The following ATP9B variants were observed in gnomAD, a reference collection of about 807,000 sequenced individuals.
The protein encoded by ATP9B is probable phospholipid-transporting ATPase IIB.
A neutral mutation model predicts 146.1 loss-of-function variants in ATP9B; 110 were observed. That is an observed-to-expected ratio of 0.75 (90% CI 0.65 to 0.88). ATP9B has a LOEUF of 0.88. Among genes scored for constraint, ATP9B ranks in the 40% least tolerant of loss-of-function variants. The pLI is 0.00. For missense variants in ATP9B, 1,499 were observed against 1,496.4 expected, an observed-to-expected ratio of 1.00 and a Z score of -0.03; for synonymous variants, 604 against 569.7, an observed-to-expected ratio of 1.06 and a Z score of -0.86.
intron 8 of ATP9B, among the ~76,000 whole-genome samples, chr18:79,182,411 A>G (rs1352285202): frequency 1.3e-5 from 2 of 152,118 alleles, no homozygotes; most frequent in Non-Finnish European, 2.9e-5. Flanking sequence ...TCTTTTCAGT[A>G]TTTTGCAAAT....
At chr18:79,295,683 C>T (rs988737086) in intron 13 of ATP9B, among the ~76,000 whole-genome samples, 12 of 152,246 alleles carry the variant, frequency 7.9e-5, no homozygotes, top group Non-Finnish European at 1.6e-4. Context: ...GTTCATCTCT[C>T]TCTAAAATCC....
chr18:79,127,653 A>G (rs144285763), intron 5 of ATP9B, among the ~76,000 whole-genome samples: 358 of 152,286 alleles, frequency 2.4e-3, no homozygotes, highest in Non-Finnish European at 4.1e-3. Context: ...ACCGTTGTGA[A>G]TAATGCAGCT....
rs535552780 is a variant in ATP9B, at chr18:79,153,642, C to G, written c.727-862C>G. 6.4e-5 allele frequency among the ~76,000 whole-genome samples: 9 copies of G among 139,582 alleles called. No individual in the cohort carries two copies. In the East Asian group the frequency reaches 8.8e-4, roughly 14 times the overall value. 91.6% of individuals were successfully genotyped at this position (139,582 alleles called of 152,430 possible). ...AAATGGCAATATTTAACGTTTTTTT[C>G]AGACATAAAGCTTTTTTTTTTTTTT... On this transcript the variant is annotated intron_variant, in intron 6 of 29. Coordinates refer to ENST00000426216, the MANE Select transcript of ATP9B (RefSeq NM_198531.5).
chr18:79,119,027 C>T (rs534003768), intron 4 of ATP9B, among the ~76,000 whole-genome samples: 4 of 150,698 alleles, frequency 2.7e-5, no homozygotes, highest in Admixed American at 6.6e-5. Context: ...GCCATGATTG[C>T]GCCACTGCAC....
chr18:79,213,419 TC>T (rs2095601318), intron 10 of ATP9B, among the ~76,000 whole-genome samples: 1 of 152,152 alleles, frequency 6.6e-6, no homozygotes, highest in Non-Finnish European at 1.5e-5. Context: ...AGTAATAGCT[TC>T]TAAATGCAAA....
chr18:79,372,408 T>TA (rs781172054), intron 26 of ATP9B: 11 of 354,358 alleles, frequency 3.1e-5, no homozygotes, highest in Non-Finnish European at 5.6e-5. Context: ...GAAGAACTGT[T>TA]ACGTTCTGTA....
intron 11 of ATP9B, among the ~76,000 whole-genome samples, chr18:79,223,765 G>A (rs549163808): frequency 5.3e-4 from 81 of 152,252 alleles, no homozygotes; most frequent in African/African-American, 1.9e-3. Context: ...TCTGCAGTGT[G>A]AACATAAATA....
chr18:79,312,571 TCC>T (rs2146694267), intron 15 of ATP9B, among the ~76,000 whole-genome samples: 1 of 152,290 alleles, frequency 6.6e-6, no homozygotes, highest in East Asian at 1.9e-4. Context: ...GGCTTTATCT[TCC>T]TTACGCCACA....
At chr18:79,110,650 G>C in intron 3 of ATP9B, 145 bp downstream of exon 3, 1 of 677,684 alleles carries the variant, frequency 1.5e-6, no homozygotes. Context: ...TGAACCATCT[G>C]TGTTCCCAAT....
chr18:79,172,708 T>C (rs1455753086), intron 7 of ATP9B, among the ~76,000 whole-genome samples: 1 of 152,284 alleles, frequency 6.6e-6, no homozygotes, highest in African/African-American at 2.4e-5. Context: ...TATATGTCAA[T>C]AGTTTGTTCA....
Position 79,337,174 on chromosome 18 carries a change from T to C in ATP9B, c.2113-105T>C, listed in dbSNP as rs370792199. On this transcript the variant is annotated intron_variant, in intron 18 of 29. Coordinates refer to ENST00000426216, the MANE Select transcript of ATP9B (RefSeq NM_198531.5). ...CACACAGCACGTACACGTGTGCACA[T>C]AGTCACCTCCCCCTCTGTCCCCACA... 25 of 1,300,158 alleles carry C rather than the reference T, an allele frequency of 1.9e-5. 1 individual carries two copies. The highest frequency in any genetic ancestry group is 2.1e-4 in the Middle Eastern group (1 of 4,812). The allele number at this position is 1,300,158 out of a possible 1,614,324, so 80.5% of individuals were successfully genotyped here.
chr18:79,152,973 C>T (rs2094714878), intron 6 of ATP9B, among the ~76,000 whole-genome samples: 1 of 152,092 alleles, frequency 6.6e-6, no homozygotes, highest in Non-Finnish European at 1.5e-5. Flanking sequence ...ACAGTTAATC[C>T]TCACATTTAA....
intron 7 of ATP9B, among the ~76,000 whole-genome samples, chr18:79,166,935 G>A (rs1237953753): frequency 6.6e-6 from 1 of 151,682 alleles, no homozygotes; most frequent in Non-Finnish European, 1.5e-5. Flanking sequence ...ACTGCACACA[G>A]CCAGGCATGC....
rs575431261 is a variant in ATP9B at position 79,261,219 on chromosome 18, C to T, written c.1268+7678C>T. On this transcript the variant is annotated intron_variant, in intron 12 of 29. Transcript: ENST00000426216. ...TGCATTTGGGACCAGTGTAAATTTG[C>T]GAGTGCTAGAGGGTGGACTCCCATG... 4.6e-5 allele frequency among the ~76,000 whole-genome samples: 7 copies of T among 152,070 alleles called. No individual in the cohort carries two copies. The East Asian group carries it at 5.8e-4, about 13-fold the overall frequency.
intron 11 of ATP9B, among the ~76,000 whole-genome samples, chr18:79,238,592 C>T (rs931670768): frequency 6.6e-6 from 1 of 152,214 alleles, no homozygotes; most frequent in Non-Finnish European, 1.5e-5. Flanking sequence ...ACTCCAGCCC[C>T]GTTCTGCGCT....
chr18:79,192,825 T>C (rs1201081808), intron 8 of ATP9B, among the ~76,000 whole-genome samples: 1 of 152,182 alleles, frequency 6.6e-6, no homozygotes, highest in Non-Finnish European at 1.5e-5. Flanking sequence ...GGAATTGCGA[T>C]GGTTCCTTAT....
intron 8 of ATP9B, among the ~76,000 whole-genome samples, chr18:79,191,739 C>G (rs146911483): frequency 6.6e-6 from 1 of 152,172 alleles, no homozygotes; most frequent in Non-Finnish European, 1.5e-5. Context: ...TTAAGATGTG[C>G]TAAAGCTGCT....
chr18:79,088,092 A>G (rs2073996629), intron 1 of ATP9B, among the ~76,000 whole-genome samples: 1 of 152,220 alleles, frequency 6.6e-6, no homozygotes, highest in African/African-American at 2.4e-5. Flanking sequence ...TACAATAGGA[A>G]AATTGCCTTG....
chr18:79,256,284 T>TACACACAC (rs1555791834), intron 12 of ATP9B, among the ~76,000 whole-genome samples: 1 of 122,898 alleles, frequency 8.1e-6, no homozygotes. Flanking sequence ...TATATATATA[T>TACACACAC]ATACATACAT....
Sources: gnomAD v4.1 joint callset for allele counts (sites outside exome capture counted in the v4.1 genomes callset) on GRCh38, gnomAD v4.1.1 for gene constraint, MANE v1.5 for transcripts, NCBI Gene and HGNC (gene_info 2026-07-23, HGNC 2026-07-21) for gene names.